MEG3: variants seen among roughly 807,000 people sequenced by gnomAD.
The protein encoded by MEG3 is Very putative protein from MEG3 locus.
At chr14:100,830,708 T>C (rs962692656), downstream of MEG3, 5 of 152,210 alleles carry the variant, frequency 3.3e-5, no homozygotes, top group Admixed American at 2.0e-4. Context: ...TGGAACCTAA[T>C]TGGGGTCCTC....
downstream of MEG3, chr14:100,832,919 A>G (rs1401309674): frequency 1.3e-5 from 2 of 152,242 alleles, no homozygotes; most frequent in East Asian, 1.9e-4. Flanking sequence ...TGGGGGGGCC[A>G]CTGGTGATCA....
chr14:100,851,696 T>C (rs1303033271), intron 3 of MEG3: 2 of 152,594 alleles, frequency 1.3e-5, no homozygotes, highest in Admixed American at 6.5e-5. Flanking sequence ...CCCCAGAGCC[T>C]GGTTCAAGGC....
At chr14:100,833,987 G>C (rs1191767627), downstream of MEG3, 1 of 152,226 alleles carries the variant, frequency 6.6e-6, no homozygotes, top group Non-Finnish European at 1.5e-5. Flanking sequence ...CACCCCACGA[G>C]GAAGAATGTG....
At chr14:100,839,296 C>T (rs2037681462) in intron 2 of MEG3, among the ~76,000 whole-genome samples, 3 of 152,132 alleles carry the variant, frequency 2.0e-5, no homozygotes, top group African/African-American at 7.2e-5. Flanking sequence ...TTTTAGGAGA[C>T]TGGAATTAAT....
intron 2 of MEG3, among the ~76,000 whole-genome samples, chr14:100,839,848 C>T (rs917714538): frequency 6.6e-6 from 1 of 152,204 alleles, no homozygotes; most frequent in East Asian, 1.9e-4. Flanking sequence ...ACGAGCTCTG[C>T]GGTGCCTGAG....
chr14:100,831,151 C>T (rs73347598), downstream of MEG3: 1 of 153,082 alleles, frequency 6.5e-6, no homozygotes, highest in African/African-American at 2.4e-5. Flanking sequence ...TTCATTTGAT[C>T]CTCACAACTC....
At chr14:100,835,207 T>C (rs2037530744) in exon 1 of MEG3, 1 of 202,974 alleles carries the variant, frequency 4.9e-6, no homozygotes, top group East Asian at 1.4e-4. Flanking sequence ...TGCTGAACTG[T>C]TCTGGACCCC....
intron 2 of MEG3, among the ~76,000 whole-genome samples, chr14:100,840,647 A>G (rs1252646495): frequency 6.6e-6 from 1 of 152,186 alleles, no homozygotes; most frequent in Non-Finnish European, 1.5e-5. Flanking sequence ...TTAACCAGCC[A>G]CTGGGTTCGC....
chr14:100,851,140 T>G (rs536191613), intron 3 of MEG3: 34 of 152,480 alleles, frequency 2.2e-4, no homozygotes, highest in African/African-American at 7.9e-4. Flanking sequence ...TGGCACCAGC[T>G]GCCTACTAGA....
At chr14:100,828,451 C>G (rs2037310511) in intron 1 of MEG3, among the ~76,000 whole-genome samples, 1 of 143,534 alleles carries the variant, frequency 7.0e-6, no homozygotes, top group African/African-American at 2.6e-5. Context: ...CTTCCCTCCT[C>G]CCTCTTCCCC....
At chr14:100,836,474 A>G (rs1211849757) in intron 2 of MEG3, among the ~76,000 whole-genome samples, 5 of 151,484 alleles carry the variant, frequency 3.3e-5, no homozygotes, top group African/African-American at 9.7e-5. Flanking sequence ...TGGAGTGGAG[A>G]CCCTTGCTAT....
chr14:100,831,240 C>G (rs1461866926), downstream of MEG3: 1 of 153,086 alleles, frequency 6.5e-6, no homozygotes, highest in Non-Finnish European at 1.5e-5. Context: ...TTGGGCCCCA[C>G]TGGATCATTG....
chr14:100,844,986 C>T (rs534257458), intron 2 of MEG3, among the ~76,000 whole-genome samples: 49 of 152,226 alleles, frequency 3.2e-4, no homozygotes, highest in African/African-American at 1.0e-3. Flanking sequence ...TTTTGGGAAA[C>T]GCTGCCCATT....
exon 1 of MEG3, chr14:100,860,076 G>A (rs77508107): frequency 0.03 from 4,601 of 154,140 alleles, 209 homozygotes; most frequent in African/African-American, 0.092. Context: ...GGCCCGGACC[G>A]CTGGGTGCTG....
chr14:100,857,388 G>C (rs1390140174), exon 1 of MEG3: 3 of 152,190 alleles, frequency 2.0e-5, no homozygotes, highest in Non-Finnish European at 2.9e-5. Context: ...GAGGGCCGAG[G>C]GTGGGTGTGT....
At chr14:100,831,139 C>T (rs145313946), downstream of MEG3, 2 of 152,992 alleles carry the variant, frequency 1.3e-5, no homozygotes, top group African/African-American at 4.8e-5. Flanking sequence ...TGCAACCGTC[C>T]ATTCATTTGA....
At chr14:100,826,970 C>T (rs1213364142) in intron 1 of MEG3, among the ~76,000 whole-genome samples, 1 of 149,272 alleles carries the variant, frequency 6.7e-6, no homozygotes, top group African/African-American at 2.5e-5. Flanking sequence ...AGAATAGATG[C>T]AGGGGGTGGG....
chr14:100,836,590 C>T lies in MEG3; in HGVS notation n.3045+290C>T, dbSNP rs371553030. ...CCACTCTAGACCCCCGAGAGCGGCT[C>T]GGGCCAGGCACTCAGGAGCCCTCAG... On this transcript the variant is annotated intron_variant and non_coding_transcript_variant, in intron 2 of 3. Coordinates refer to the MEG3 transcript ENST00000398461. Among the ~76,000 whole-genome samples, 75 of 152,044 alleles carry T rather than the reference C, an allele frequency of 4.9e-4. 4 individuals carry two copies. In the East Asian group the frequency reaches 7.2e-3, roughly 15 times the overall value.
intron 3 of MEG3, chr14:100,851,203 A>G (rs1007111460): frequency 6.6e-6 from 1 of 152,328 alleles, no homozygotes; most frequent in African/African-American, 2.4e-5. Context: ...CTGGATAGGC[A>G]GGAAGGGCTT....
Sources: gnomAD v4.1 joint callset for allele counts (sites outside exome capture counted in the v4.1 genomes callset) on GRCh38, gnomAD v4.1.1 for gene constraint, MANE v1.5 for transcripts, NCBI Gene and HGNC (gene_info 2026-07-23, HGNC 2026-07-21) for gene names.